CCDC171: variants seen among roughly 807,000 people sequenced by gnomAD.
The protein encoded by CCDC171 is coiled-coil domain containing 171.
A neutral mutation model predicts 168.2 loss-of-function variants in CCDC171; 177 were observed. That is an observed-to-expected ratio of 1.05 (90% CI 0.93 to 1.19). The LOEUF (loss-of-function observed/expected upper bound fraction) is 1.19. Ranked by LOEUF, CCDC171 falls within the 50% of genes most tolerant of loss-of-function variation. The probability of loss-of-function intolerance (pLI) is 0.00; values close to 1 mark genes in which losing one functional copy is unlikely to be tolerated. For synonymous variants in CCDC171, 687 were observed against 540.8 expected (o/e 1.27, Z -3.75); for missense variants, 1,991 against 1,539.0 (o/e 1.29, Z -4.91).
chr9:16,080,725 C>T, the CCDC171 span, among the ~76,000 whole-genome samples: 12 of 152,078 alleles, frequency 7.9e-5, no homozygotes, highest in Non-Finnish European at 1.8e-4. Context: ...ATTCTTTATA[C>T]ATCTTTGTCT....
intron 21 of CCDC171, among the ~76,000 whole-genome samples, chr9:15,808,299 T>G (rs775802347): frequency 2.0e-5 from 3 of 152,278 alleles, no homozygotes; most frequent in East Asian, 1.9e-4. Context: ...GTTTTGAGAA[T>G]TTACGGTAAT....
chr9:15,677,130 C>G (rs1564191938), intron 9 of CCDC171, among the ~76,000 whole-genome samples: 2 of 152,026 alleles, frequency 1.3e-5, no homozygotes, highest in Non-Finnish European at 1.5e-5. Context: ...GGGAAATTCT[C>G]ATTGCTTTGT....
At chr9:15,653,104 A>G (rs1231604919) in intron 7 of CCDC171, among the ~76,000 whole-genome samples, 1 of 152,112 alleles carries the variant, frequency 6.6e-6, no homozygotes, top group Non-Finnish European at 1.5e-5. Context: ...GTCTTAATTC[A>G]TTCTAGTGGT....
chr9:16,028,892 C>A (rs1449785851), intron 6 of CCDC171, among the ~76,000 whole-genome samples: 1 of 152,152 alleles, frequency 6.6e-6, no homozygotes, highest in African/African-American at 2.4e-5. Flanking sequence ...TCCAACCAAC[C>A]TTCTTTCCTT....
intron 3 of CCDC171, among the ~76,000 whole-genome samples, chr9:15,575,035 G>A (rs2040527712): frequency 6.6e-6 from 1 of 152,002 alleles, no homozygotes. Context: ...ATACTGTTGT[G>A]GAAAATAGGA....
chr9:15,685,159 C>G (rs534775750), intron 10 of CCDC171, among the ~76,000 whole-genome samples: 47 of 152,140 alleles, frequency 3.1e-4, no homozygotes, highest in Non-Finnish European at 5.3e-4. Context: ...TTCTTTATGT[C>G]ACATGACAAA....
intron 4 of CCDC171, chr9:16,022,273 A>C (rs1833188036): frequency 6.6e-6 from 1 of 152,282 alleles, no homozygotes; most frequent in African/African-American, 2.4e-5. Flanking sequence ...AGGGAGGTTA[A>C]AGAGATTTGA....
At chr9:15,869,999 A>G (rs781546477) in intron 23 of CCDC171, among the ~76,000 whole-genome samples, 1 of 151,804 alleles carries the variant, frequency 6.6e-6, no homozygotes, top group Non-Finnish European at 1.5e-5. Context: ...CAGATAGTAA[A>G]TATCTTAGGC....
At position 15,954,282 on chromosome 9, in the gene CCDC171, A is replaced by T. The variant is rs920024489; in HGVS notation, c.3754-17327A>T. Among the ~76,000 whole-genome samples, 108 of 148,580 alleles carry T rather than the reference A, an allele frequency of 7.3e-4. 1 individual carries two copies. The highest frequency in any genetic ancestry group is 2.5e-3 in the African/African-American group (99 of 40,236). On this transcript the variant is annotated intron_variant, in intron 25 of 25. Transcript: ENST00000380701. The stretch of plus-strand genomic sequence containing the variant: ...AGTAAAGTTAGGTTGTCGATTTGAG[A>T]TCTTTCTTGTTTCTTAATGTAAGCA...
At chr9:15,897,678 A>G (rs989324008) in intron 24 of CCDC171, among the ~76,000 whole-genome samples, 3 of 152,126 alleles carry the variant, frequency 2.0e-5, no homozygotes, top group Non-Finnish European at 4.4e-5. Context: ...TATCTTTTTC[A>G]GTTAATAAAG....
chr9:15,781,927 C>G (rs2057689219), intron 20 of CCDC171, among the ~76,000 whole-genome samples: 1 of 152,022 alleles, frequency 6.6e-6, no homozygotes, highest in African/African-American at 2.4e-5. Flanking sequence ...AGTAGCTTGC[C>G]TGGAGTCATA....
At position 15,787,047 on chromosome 9, in the gene CCDC171, G is replaced by A. The variant is rs536822918; in HGVS notation, c.3267+2353G>A. ...TTTAGGTGGTCTTCTATATGGACAC[G>A]CGTGACAGTATCATCATTTCCTGGC... On this transcript the variant is annotated intron_variant, in intron 21 of 25. Coordinates refer to ENST00000380701, the MANE Select transcript of CCDC171 (RefSeq NM_173550.4). Among the ~76,000 whole-genome samples the A allele has an allele frequency of 3.3e-5, 5 of 152,124 alleles. No homozygotes were observed. The East Asian group carries it at 9.7e-4, about 29-fold the overall frequency.
intron 3 of CCDC171, among the ~76,000 whole-genome samples, chr9:16,018,340 T>C (rs1833082368): frequency 6.6e-6 from 1 of 152,334 alleles, no homozygotes; most frequent in South Asian, 2.1e-4. Context: ...GATGATTCCA[T>C]ATACTCCCAC....
intron 24 of CCDC171, among the ~76,000 whole-genome samples, chr9:15,895,028 A>G (rs889411081): frequency 1.3e-5 from 2 of 152,124 alleles, no homozygotes; most frequent in African/African-American, 4.8e-5. Flanking sequence ...GCAGAACTGC[A>G]TGCAAATTAA....
intron 6 of CCDC171, among the ~76,000 whole-genome samples, chr9:15,607,158 C>G (rs1428588568): frequency 6.6e-6 from 1 of 152,146 alleles, no homozygotes; most frequent in Admixed American, 6.5e-5. Flanking sequence ...TTTATATATA[C>G]TCAATGCCCA....
chr9:15,891,885 C>T (rs1184262777), intron 24 of CCDC171, among the ~76,000 whole-genome samples: 2 of 151,992 alleles, frequency 1.3e-5, no homozygotes, highest in African/African-American at 2.4e-5. Flanking sequence ...AGCACTAATA[C>T]GGGAATCACT....
chr9:15,707,132 T>G (rs2052307460), intron 11 of CCDC171, among the ~76,000 whole-genome samples: 1 of 152,220 alleles, frequency 6.6e-6, no homozygotes, highest in African/African-American at 2.4e-5. Context: ...CACCGTTTCC[T>G]CTGTTGTCAT....
chr9:15,680,456 A>G (rs970679127), intron 10 of CCDC171, among the ~76,000 whole-genome samples: 1 of 152,216 alleles, frequency 6.6e-6, no homozygotes, highest in Non-Finnish European at 1.5e-5. Flanking sequence ...GGGTTATACT[A>G]GGAATTGGTC....
At chr9:15,981,781 C>G (rs1831804966) in intron 3 of CCDC171, among the ~76,000 whole-genome samples, 1 of 152,172 alleles carries the variant, frequency 6.6e-6, no homozygotes, top group African/African-American at 2.4e-5. Context: ...CTGGCTCCGT[C>G]TGTCTCTTTT....
Sources: gnomAD v4.1 joint callset for allele counts (sites outside exome capture counted in the v4.1 genomes callset) on GRCh38, gnomAD v4.1.1 for gene constraint, MANE v1.5 for transcripts, NCBI Gene and HGNC (gene_info 2026-07-23, HGNC 2026-07-21) for gene names.